EPHA6: variants seen among roughly 807,000 people sequenced by gnomAD.
EPHA6 encodes the protein EPH receptor A6.
In EPHA6, 50 loss-of-function variants were observed where a neutral mutation model predicts 112.0. The observed-to-expected ratio is 0.45, with a 90% CI of 0.36 to 0.56. The LOEUF is 0.56. Ranked by LOEUF, EPHA6 falls within the 20% of genes least tolerant of loss-of-function variation. The probability of loss-of-function intolerance (pLI) is 0.00; values close to 1 mark genes in which losing one functional copy is unlikely to be tolerated. For synonymous variants in EPHA6, 529 were observed against 490.7 expected (o/e 1.08, Z -1.03); for missense variants, 1,280 against 1,417.4 (o/e 0.90, Z 1.56).
intron 3 of EPHA6, among the ~76,000 whole-genome samples, chr3:97,187,675 GAGA>G (rs1559784360): frequency 1.4e-4 from 11 of 77,054 alleles, no homozygotes; most frequent in Non-Finnish European, 2.2e-4. Flanking sequence ...AAGAAAGAAA[GAGA>G]AAGAAAGAAG....
chr3:97,508,873 G>A (rs1303087816), intron 10 of EPHA6, among the ~76,000 whole-genome samples: 1 of 151,088 alleles, frequency 6.6e-6, no homozygotes, highest in East Asian at 1.9e-4. Context: ...AGGATAGTTA[G>A]CTCTTCTTAT....
intron 10 of EPHA6, among the ~76,000 whole-genome samples, chr3:97,528,297 A>G (rs1006557103): frequency 1.3e-5 from 2 of 152,110 alleles, no homozygotes; most frequent in Admixed American, 1.3e-4. Context: ...AGAGGCTGCT[A>G]TTTATTTTCT....
Position 97,265,751 on chromosome 3 carries a change from G to A in EPHA6, c.1606+21464G>A, listed in dbSNP as rs146841225. On this transcript the variant is annotated intron_variant, in intron 5 of 17. Coordinates refer to ENST00000389672, the MANE Select transcript of EPHA6 (RefSeq NM_001080448.3). ...TGGTGGGGTTCCCACCGCTGCCACTGCTGCTCCTGCAGCCACTCCTGCCAC... is the reference window on the plus strand; with the variant it reads ...TGGTGGGGTTCCCACCGCTGCCACTACTGCTCCTGCAGCCACTCCTGCCAC... Among the ~76,000 whole-genome samples, 830 of 152,318 alleles carry A rather than the reference G, an allele frequency of 5.4e-3. 4 individuals carry two copies. Among genetic ancestry groups the A allele is most frequent in the African/African-American group, 0.019 (777 of 41,588 alleles).
At chr3:97,668,956 A>G in intron 14 of EPHA6, among the ~76,000 whole-genome samples, 1 of 141,610 alleles carries the variant, frequency 7.1e-6, no homozygotes. Context: ...CCACTAAGTC[A>G]GCCAATGAAA....
In EPHA6 at chr3:97,592,936, G is replaced by A. The variant is rs189328700; in HGVS notation, c.2512+199G>A. ...CACAAAGGAAGTGAAAGGACTCTGCGCACCTAATTCGCATAGTGCTGCCTC... is the reference window on the plus strand; with the variant it reads ...CACAAAGGAAGTGAAAGGACTCTGCACACCTAATTCGCATAGTGCTGCCTC... On this transcript the variant is annotated intron_variant, in intron 12 of 17. Transcript: ENST00000389672. Among the ~76,000 whole-genome samples, 264 of 152,280 alleles carry A rather than the reference G, an allele frequency of 1.7e-3. 2 individuals are homozygous for A. Among genetic ancestry groups the A allele is most frequent in the Non-Finnish European group, 1.2e-3 (83 of 68,030 alleles).
At chr3:97,565,783 C>A (rs1232803955) in intron 11 of EPHA6, among the ~76,000 whole-genome samples, 1 of 152,062 alleles carries the variant, frequency 6.6e-6, no homozygotes, top group Non-Finnish European at 1.5e-5. Flanking sequence ...CTTTGGGAGG[C>A]TGAGGCAGGT....
At chr3:96,900,015 G>C (rs569910818) in intron 2 of EPHA6, among the ~76,000 whole-genome samples, 1 of 152,170 alleles carries the variant, frequency 6.6e-6, no homozygotes, top group African/African-American at 2.4e-5. Flanking sequence ...GATTTATTCT[G>C]TACTGTGAAC....
chr3:97,307,630 G>A (rs1285487812), intron 5 of EPHA6, among the ~76,000 whole-genome samples: 2 of 149,426 alleles, frequency 1.3e-5, no homozygotes. Context: ...TTCTTTAAAG[G>A]TGATGTCTAC....
intron 11 of EPHA6, among the ~76,000 whole-genome samples, chr3:97,539,382 A>G (rs1474277707): frequency 6.6e-6 from 1 of 151,990 alleles, no homozygotes; most frequent in Admixed American, 6.6e-5. Context: ...TCCTGACCTC[A>G]AGTGATCTAC....
At chr3:97,583,590 C>T (rs186534269) in intron 11 of EPHA6, among the ~76,000 whole-genome samples, 5 of 150,964 alleles carry the variant, frequency 3.3e-5, no homozygotes, top group Non-Finnish European at 4.4e-5. Flanking sequence ...AAAATATGTA[C>T]AAGAACTGTA....
chr3:96,964,937 G>T (rs996740610), intron 2 of EPHA6, among the ~76,000 whole-genome samples: 4 of 152,104 alleles, frequency 2.6e-5, no homozygotes, highest in African/African-American at 9.7e-5. Context: ...AACAATTCAC[G>T]AATCGGGCAG....
intron 14 of EPHA6, among the ~76,000 whole-genome samples, chr3:97,643,155 G>T (rs2107581662): frequency 6.6e-6 from 1 of 151,800 alleles, no homozygotes; most frequent in South Asian, 2.1e-4. Context: ...TTAAAGAAAA[G>T]AATTTTCAAC....
At position 97,441,705 on chromosome 3, in the gene EPHA6, G is replaced by A. The variant is rs550801378; in HGVS notation, c.1732-6863G>A. On this transcript the variant is annotated intron_variant, in intron 6 of 17. Transcript: ENST00000389672. ...TATATTTAGGTATTATAAGGTTTCT[G>A]TTACTATAGTGACTAAAATATTTAA... Among the ~76,000 whole-genome samples, 5 of 152,088 alleles carry A rather than the reference G, an allele frequency of 3.3e-5. No homozygotes were observed. The East Asian group carries it at 9.7e-4, about 29-fold the overall frequency.
At chr3:97,342,554 GT>G (rs2083359880) in intron 5 of EPHA6, among the ~76,000 whole-genome samples, 1 of 152,204 alleles carries the variant, frequency 6.6e-6, no homozygotes, top group Non-Finnish European at 1.5e-5. Flanking sequence ...CGGGCTGAAT[GT>G]TTGTGTTCCC....
At chr3:97,243,696 C>T (rs1200028781) in intron 4 of EPHA6, among the ~76,000 whole-genome samples, 2 of 151,642 alleles carry the variant, frequency 1.3e-5, no homozygotes, top group Non-Finnish European at 2.9e-5. Flanking sequence ...ATATGTTTTA[C>T]AGATATCCTG....
At chr3:97,318,053 T>C (rs773071924) in intron 5 of EPHA6, among the ~76,000 whole-genome samples, 3 of 151,958 alleles carry the variant, frequency 2.0e-5, no homozygotes, top group Non-Finnish European at 4.4e-5. Context: ...GGATACATAA[T>C]TGAGAATTTA....
chr3:97,317,792 C>T (rs1035839866), intron 5 of EPHA6, among the ~76,000 whole-genome samples: 3 of 151,874 alleles, frequency 2.0e-5, no homozygotes, highest in Non-Finnish European at 4.4e-5. Context: ...TCTAGAACTG[C>T]ATGGTGCTGG....
chr3:97,759,731 T>C lies in EPHA6; in HGVS notation c.*11030T>C, dbSNP rs2036112330. 4.4e-6 allele frequency: 1 copy of C among 227,686 alleles called. No individual in the cohort carries two copies. Among genetic ancestry groups the C allele is most frequent in the African/African-American group, 2.2e-5 (1 of 44,966 alleles). The allele number at this position is 227,686 out of a possible 1,614,324, so 14.1% of individuals were successfully genotyped here. On this transcript the variant is annotated 3_prime_UTR_variant, in exon 18 of 18. Coordinates refer to ENST00000389672, the MANE Select transcript of EPHA6 (RefSeq NM_001080448.3). ...AGTTTTTTTTTAATTTTACCAAGAA[T>C]GAGATAAAAGCCAATATGCAGGATG... is the stretch of plus-strand genomic sequence containing the variant.
intron 2 of EPHA6, among the ~76,000 whole-genome samples, chr3:96,890,243 A>G (rs1198122913): frequency 6.6e-6 from 1 of 152,192 alleles, no homozygotes; most frequent in African/African-American, 2.4e-5. Context: ...TTGGAAGACT[A>G]TATTTGCAGT....
Sources: gnomAD v4.1 joint callset for allele counts (sites outside exome capture counted in the v4.1 genomes callset) on GRCh38, gnomAD v4.1.1 for gene constraint, MANE v1.5 for transcripts, NCBI Gene and HGNC (gene_info 2026-07-23, HGNC 2026-07-21) for gene names.